Variants in LHX8 observed in about 807,000 individuals in gnomAD.
The protein encoded by LHX8 is LIM homeobox 8.
In LHX8, 12 loss-of-function variants were observed where a neutral mutation model predicts 40.3. The ratio of observed to expected loss-of-function variants is 0.30; its 90% CI spans 0.19 to 0.48. The LOEUF (loss-of-function observed/expected upper bound fraction) is 0.48. LHX8 is among the 20% of genes least tolerant of loss of function. The pLI is 0.99. For missense variants in LHX8, 344 were observed against 433.7 expected (o/e 0.79, Z 1.84); for synonymous variants, 179 against 162.0 (o/e 1.10, Z -0.80).
intron 8 of LHX8, chr1:75,159,254 T>G (rs1648850885): frequency 6.6e-6 from 1 of 152,170 alleles, no homozygotes; most frequent in East Asian, 1.9e-4. Context: ...AGTCAGCTAT[T>G]GACCTTCTTG....
At chr1:75,130,261 C>T, upstream of LHX8, 1 of 201,284 alleles carries the variant, frequency 5.0e-6, no homozygotes, top group Non-Finnish European at 1.0e-5. Context: ...CCGTAGCGGA[C>T]CGGGAGAGCT....
intron 8 of LHX8, chr1:75,159,524 C>G (rs1323061949): frequency 6.6e-6 from 1 of 152,066 alleles, no homozygotes; most frequent in Admixed American, 6.6e-5. Context: ...CCACCGACTT[C>G]TTAATTTATT....
chr1:75,134,615 G>A lies in LHX8; in HGVS notation c.-352G>A, dbSNP rs1037349598. Among the ~76,000 whole-genome samples, 1 of 152,152 alleles carries A rather than the reference G, an allele frequency of 6.6e-6. No individual in the cohort carries two copies. The highest frequency in any genetic ancestry group is 2.1e-4 in the South Asian group (1 of 4,820). On this transcript the variant is annotated 5_prime_UTR_variant, in exon 1 of 9. In the 5' UTR this introduces an upstream ATG that the reference lacks. Transcript: ENST00000356261. The stretch of plus-strand genomic sequence containing the variant: ...TGGTATGTGATAAGCAGCCCTAGCA[G>A]TGCCATGTATTGGAAGAACGATCAG...
rs535654053 is a variant in LHX8 at position 75,151,628 on chromosome 1, G to A, written c.780+2946G>A. ...CTACACAAATGGCACGGACTACCAA[G>A]GAAGGTAGTGAGTTTCCTCTGCCTG... On this transcript the variant is annotated intron_variant, in intron 7 of 8. Transcript: ENST00000356261. 9.8e-5 allele frequency among the ~76,000 whole-genome samples: 15 copies of A among 152,312 alleles called. No homozygotes were observed. In the South Asian group the frequency reaches 1.2e-3, roughly 13 times the overall value.
At chr1:75,180,360 C>G in the LHX8 span, among the ~76,000 whole-genome samples, 1 of 152,164 alleles carries the variant, frequency 6.6e-6, no homozygotes, top group Non-Finnish European at 1.5e-5. Flanking sequence ...TTCACATAGT[C>G]CCATATTTCT....
chr1:75,156,934 C>G lies in LHX8; in HGVS notation c.822C>G (p.Val274=). The G allele has an allele frequency of 6.2e-7, 1 of 1,614,182 alleles. No homozygotes were observed. The highest frequency in any genetic ancestry group is 8.5e-7 in the Non-Finnish European group (1 of 1,180,028). Residue 274 remains valine (V), a synonymous_variant, in exon 8 of 9, where the codon GTC becomes GTG. Transcript: ENST00000356261. The part of the protein sequence containing the change: ...QNCRARHKKH[V]SPNHSSSTPV... The stretch of plus-strand genomic sequence containing the variant: ...GTAGAGCACGCCACAAGAAACACGT[C>G]AGTCCTAATCACTCATCCTCCACCC...
In LHX8 at chr1:75,134,831, T is replaced by TA; in HGVS notation, c.-136_-135insA. On this transcript the variant is annotated 5_prime_UTR_variant, in exon 1 of 9. Coordinates refer to ENST00000356261, the MANE Select transcript of LHX8 (RefSeq NM_001256114.2). ...TCTTCAGACCTGGCAATTTTTTTTT[T>TA]TTATTACGTAGTAGCGTTAGTCAGT... 1 of 836,812 alleles carries TA rather than the reference T, an allele frequency of 1.2e-6. No individual in the cohort carries two copies. The highest frequency in any genetic ancestry group is 1.4e-6 in the Non-Finnish European group (1 of 694,414). 51.8% of individuals were successfully genotyped at this position (836,812 alleles called of 1,614,324 possible). A position where few individuals can be genotyped will look rare whatever the true frequency, so the allele number is the denominator to read the frequency against.
In LHX8 at chr1:75,134,831, T is replaced by TTA. The variant is rs1553132258; in HGVS notation, c.-135_-134insAT. 2.6e-5 allele frequency: 22 copies of TTA among 836,806 alleles called. No homozygotes were observed. The highest frequency in any genetic ancestry group is 5.4e-5 in the South Asian group (1 of 18,402). The allele number at this position is 836,806 out of a possible 1,614,324, so 51.8% of individuals were successfully genotyped here. On this transcript the variant is annotated 5_prime_UTR_variant, in exon 1 of 9. Coordinates refer to ENST00000356261, the MANE Select transcript of LHX8 (RefSeq NM_001256114.2). Reference sequence around the variant, plus strand: ...TCTTCAGACCTGGCAATTTTTTTTTTTTATTACGTAGTAGCGTTAGTCAGT... The same window carrying TTA: ...TCTTCAGACCTGGCAATTTTTTTTTTTATTATTACGTAGTAGCGTTAGTCAGT...
chr1:75,136,488 G>A, intron 1 of LHX8, 115 bp from the exon 2 acceptor site: 1 of 798,784 alleles, frequency 1.3e-6, no homozygotes, highest in Non-Finnish European at 2.1e-6. Context: ...TGCACGCGCT[G>A]CCCCGCACTC....
At chr1:75,184,998 A>G in the LHX8 span, among the ~76,000 whole-genome samples, 1 of 152,158 alleles carries the variant, frequency 6.6e-6, no homozygotes, top group African/African-American at 2.4e-5. Flanking sequence ...AAACTAGAAA[A>G]CCTAGAAGAG....
At chr1:75,133,533 G>A (rs1648028605), upstream of LHX8, among the ~76,000 whole-genome samples, 1 of 152,104 alleles carries the variant, frequency 6.6e-6, no homozygotes, top group African/African-American at 2.4e-5. Flanking sequence ...GATCTTCTTA[G>A]TTTCAGAAGT....
the LHX8 span, among the ~76,000 whole-genome samples, chr1:75,171,972 A>G: frequency 6.6e-6 from 1 of 152,086 alleles, no homozygotes; most frequent in Non-Finnish European, 1.5e-5. Context: ...GGCGAGAAAT[A>G]CTGGCCTGGA....
At position 75,161,043 on chromosome 1, in the gene LHX8, G is replaced by C; in HGVS notation, c.*148G>C. On this transcript the variant is annotated 3_prime_UTR_variant, in exon 9 of 9. Transcript: ENST00000356261. ...TTTGCTGCCCAGGTATGTATCTATA[G>C]TTGGCCTGCAAGACACTTTTATTAA... The C allele has an allele frequency of 1.6e-6, 1 of 639,404 alleles. No homozygotes were observed. The allele number at this position is 639,404 out of a possible 1,614,324, so 39.6% of individuals were successfully genotyped here.
downstream of LHX8, among the ~76,000 whole-genome samples, chr1:75,162,104 G>T (rs1648933385): frequency 6.6e-6 from 1 of 152,096 alleles, no homozygotes; most frequent in Middle Eastern, 3.2e-3. Context: ...TTTGCATCAG[G>T]CTGAGGACTG....
chr1:75,190,294 T>G, the LHX8 span, among the ~76,000 whole-genome samples: 5 of 152,186 alleles, frequency 3.3e-5, no homozygotes, highest in African/African-American at 4.8e-5. Context: ...TAGACTTTTT[T>G]GGGGCTTTTT....
the LHX8 span, among the ~76,000 whole-genome samples, chr1:75,178,881 C>A: frequency 1.3e-5 from 2 of 152,164 alleles, no homozygotes; most frequent in Non-Finnish European, 2.9e-5. Flanking sequence ...TGTCTTTGTT[C>A]TCATTGGTTT....
chr1:75,130,609 C>T, upstream of LHX8: 1 of 1,034,348 alleles, frequency 9.7e-7, no homozygotes. Flanking sequence ...ATAAAAGCAC[C>T]CCTCTCTTAC....
intron 6 of LHX8, among the ~76,000 whole-genome samples, chr1:75,147,409 G>A (rs1270947737): frequency 3.3e-5 from 5 of 152,140 alleles, no homozygotes; most frequent in African/African-American, 4.8e-5. Context: ...CTAGGGATAC[G>A]AAAAATAAGA....
chr1:75,195,607 C>A, the LHX8 span, among the ~76,000 whole-genome samples: 1 of 152,038 alleles, frequency 6.6e-6, no homozygotes, highest in Non-Finnish European at 1.5e-5. Context: ...TCCCATTGTC[C>A]TCCTGCTTCA....
Sources: allele counts gnomAD v4.1 joint callset (sites outside exome capture counted in the v4.1 genomes callset), GRCh38; gene constraint gnomAD v4.1.1; transcripts MANE v1.5; gene names NCBI Gene and HGNC (gene_info 2026-07-23, HGNC 2026-07-21).